The following HMGCLL1 variants were observed in gnomAD, a reference collection of about 807,000 sequenced individuals.
HMGCLL1 encodes the protein 3-hydroxymethyl-3-methylglutaryl-CoA lyase, cytoplasmic.
In HMGCLL1, 36 loss-of-function variants were observed where a neutral mutation model predicts 39.1. The observed-to-expected ratio is 0.92, with a 90% confidence interval of 0.71 to 1.22. The LOEUF is 1.22. Ranked by LOEUF, HMGCLL1 falls within the 50% of genes most tolerant of loss-of-function variation. HMGCLL1 has a pLI of 0.00. For synonymous variants in HMGCLL1, 149 were observed against 144.0 expected (o/e 1.03, Z -0.25); for missense variants, 451 against 416.5 (o/e 1.08, Z -0.72).
intron 1 of HMGCLL1, among the ~76,000 whole-genome samples, chr6:55,567,904 G>A (rs1254502018): frequency 3.3e-5 from 5 of 152,022 alleles, no homozygotes; most frequent in African/African-American, 7.2e-5. Context: ...TCACAGCTCC[G>A]GTCCCTTCAT....
chr6:55,528,064 A>C (rs1036573105), intron 3 of HMGCLL1, among the ~76,000 whole-genome samples: 1 of 152,050 alleles, frequency 6.6e-6, no homozygotes, highest in African/African-American at 2.4e-5. Flanking sequence ...AATAATTTTA[A>C]AAATATATTT....
rs1421855106 is a variant in HMGCLL1 at position 55,579,164 on chromosome 6, A to C, written c.-109T>G. On this transcript the variant is annotated 5_prime_UTR_variant, in exon 1 of 9. Coordinates refer to ENST00000274901, the MANE Select transcript of HMGCLL1 (RefSeq NM_001042406.2). ...GCTCGGGAGCGCGCCCCTCCGGTGC[A>C]CTGGCTGTGAGGACCAGAGCTGTTC... The C allele has an allele frequency of 3.2e-5, 26 of 812,422 alleles. No homozygotes were observed. The South Asian group carries it at 3.9e-4, about 12-fold the overall frequency. 50.3% of individuals were successfully genotyped at this position (812,422 alleles called of 1,614,324 possible). A position where few individuals can be genotyped will look rare whatever the true frequency, so the allele number is the denominator to read the frequency against.
chr6:55,559,094 C>T (rs988397945), intron 1 of HMGCLL1, among the ~76,000 whole-genome samples: 4 of 152,044 alleles, frequency 2.6e-5, no homozygotes, highest in African/African-American at 9.7e-5. Flanking sequence ...TAAGGGAACG[C>T]CAGTCTAAAG....
intron 1 of HMGCLL1, among the ~76,000 whole-genome samples, chr6:55,544,438 C>A (rs1467090629): frequency 6.6e-6 from 1 of 152,114 alleles, no homozygotes; most frequent in East Asian, 1.9e-4. Context: ...TATTCAAGTT[C>A]TTTAAGTGGA....
At chr6:55,650,110 TATATATATATATATATATATATATAC>T in the HMGCLL1 span, among the ~76,000 whole-genome samples, 787 of 74,500 alleles carry the variant, frequency 0.011, 32 homozygotes, top group Middle Eastern at 0.017. Flanking sequence ...TATATATATA[TATATATATATATATATATATATATAC>T]ACACACACAC....
chr6:55,542,607 GT>G (rs1769512749), intron 1 of HMGCLL1, among the ~76,000 whole-genome samples: 1 of 151,260 alleles, frequency 6.6e-6, no homozygotes, highest in South Asian at 2.1e-4. Context: ...GTGTAACCCT[GT>G]CTCTACTAAA....
chr6:55,594,818 C>T, the HMGCLL1 span, among the ~76,000 whole-genome samples: 1 of 152,074 alleles, frequency 6.6e-6, no homozygotes, highest in African/African-American at 2.4e-5. Context: ...GACACGAATC[C>T]TCTTAGTCAG....
intron 3 of HMGCLL1, among the ~76,000 whole-genome samples, chr6:55,536,950 A>G (rs1468008782): frequency 6.6e-6 from 1 of 152,182 alleles, no homozygotes; most frequent in Non-Finnish European, 1.5e-5. Flanking sequence ...AAAATATAAG[A>G]TGTAGAGAAT....
chr6:55,609,177 T>A, the HMGCLL1 span, among the ~76,000 whole-genome samples: 1 of 152,138 alleles, frequency 6.6e-6, no homozygotes, highest in Non-Finnish European at 1.5e-5. Context: ...CAGGGCTCCC[T>A]GAGGGAGGGG....
the HMGCLL1 span, among the ~76,000 whole-genome samples, chr6:55,587,487 C>G: frequency 1.3e-5 from 2 of 151,870 alleles, no homozygotes; most frequent in East Asian, 3.9e-4. Context: ...AGGAAGAAAC[C>G]GCATCAACTA....
At chr6:55,590,383 C>T in the HMGCLL1 span, among the ~76,000 whole-genome samples, 3 of 152,006 alleles carry the variant, frequency 2.0e-5, no homozygotes, top group Admixed American at 6.6e-5. Flanking sequence ...TTCCTCACAC[C>T]TTATATGAAA....
At chr6:55,607,192 T>C in the HMGCLL1 span, among the ~76,000 whole-genome samples, 1 of 152,144 alleles carries the variant, frequency 6.6e-6, no homozygotes, top group East Asian at 1.9e-4. Flanking sequence ...CTCCACAAAA[T>C]TTGGGGTTAA....
At chr6:55,471,459 G>A (rs901904575) in intron 7 of HMGCLL1, among the ~76,000 whole-genome samples, 3 of 151,736 alleles carry the variant, frequency 2.0e-5, no homozygotes, top group Non-Finnish European at 2.9e-5. Flanking sequence ...GAGTACACAT[G>A]TGCACAAATC....
At position 55,437,459 on chromosome 6, in the gene HMGCLL1, A is replaced by G. The variant is rs151117472; in HGVS notation, c.922-1696T>C. On this transcript the variant is annotated intron_variant, in intron 8 of 8. Transcript: ENST00000274901. ...AAGGAATGTGTCAGGGAAAAGTGCCAAGAAGGGTAAAGCCTGACCTGAGGT... is the reference window on the plus strand; with the variant it reads ...AAGGAATGTGTCAGGGAAAAGTGCCGAGAAGGGTAAAGCCTGACCTGAGGT... 3.9e-5 allele frequency among the ~76,000 whole-genome samples: 6 copies of G among 152,116 alleles called. No individual in the cohort carries two copies. In the East Asian group the frequency reaches 9.7e-4, roughly 25 times the overall value.
chr6:55,587,002 A>T, the HMGCLL1 span, among the ~76,000 whole-genome samples: 1 of 152,136 alleles, frequency 6.6e-6, no homozygotes, highest in African/African-American at 2.4e-5. Context: ...ACTAGTTTAC[A>T]GTCCCACCAA....
At chr6:55,556,083 A>G (rs942585920) in intron 1 of HMGCLL1, among the ~76,000 whole-genome samples, 4 of 152,144 alleles carry the variant, frequency 2.6e-5, no homozygotes, top group Non-Finnish European at 2.9e-5. Context: ...CTTACCTGTG[A>G]CTATTGATAA....
chr6:55,553,178 TACAC>T (rs140707918), intron 1 of HMGCLL1, among the ~76,000 whole-genome samples: 1 of 30,596 alleles, frequency 3.3e-5, no homozygotes, highest in Non-Finnish European at 9.6e-5. Context: ...TATATATACA[TACAC>T]ACACACACAC....
At chr6:55,651,045 G>A in the HMGCLL1 span, among the ~76,000 whole-genome samples, 1 of 152,078 alleles carries the variant, frequency 6.6e-6, no homozygotes, top group African/African-American at 2.4e-5. Context: ...CTGTGGCCAA[G>A]TTGGAACCTA....
At chr6:55,475,971 A>G (rs73449213) in intron 7 of HMGCLL1, among the ~76,000 whole-genome samples, 12,139 of 151,656 alleles carry the variant, frequency 0.08, 1,577 homozygotes, top group African/African-American at 0.28. Flanking sequence ...TTGCTATCAC[A>G]CATCTTAATT....
Sources: gnomAD v4.1 joint callset for allele counts (sites outside exome capture counted in the v4.1 genomes callset) on GRCh38, gnomAD v4.1.1 for gene constraint, MANE v1.5 for transcripts, NCBI Gene and HGNC (gene_info 2026-07-23, HGNC 2026-07-21) for gene names.